The following SLC1A2 variants were observed in gnomAD, a reference collection of about 807,000 sequenced individuals.
The protein encoded by SLC1A2 is solute carrier family 1 member 2.
SLC1A2 carries 15 observed loss-of-function variants against 48.8 expected under a neutral mutation model. The observed-to-expected ratio is 0.31, with a 90% CI of 0.21 to 0.47. The LOEUF is 0.47. Among genes scored for constraint, SLC1A2 ranks in the 20% least tolerant of loss-of-function variants. The pLI is 0.99. For missense variants in SLC1A2, 502 were observed against 730.5 expected (o/e 0.69, Z 3.61); for synonymous variants, 279 against 272.6 (o/e 1.02, Z -0.23).
intron 1 of SLC1A2, among the ~76,000 whole-genome samples, chr11:35,319,809 T>G (rs1852000121): frequency 6.6e-6 from 1 of 152,226 alleles, no homozygotes; most frequent in Non-Finnish European, 1.5e-5. Flanking sequence ...CACATCAAAG[T>G]GGCTACATCA....
chr11:35,286,506 T>G, intron 8 of SLC1A2: 1 of 322,588 alleles, frequency 3.1e-6, no homozygotes, highest in Non-Finnish European at 5.7e-6. Flanking sequence ...ATCACAGGAT[T>G]GCTAAAAATC....
At chr11:35,269,012 T>A (rs1398989689) in intron 9 of SLC1A2, among the ~76,000 whole-genome samples, 1 of 152,196 alleles carries the variant, frequency 6.6e-6, no homozygotes, top group African/African-American at 2.4e-5. Context: ...AAAATTCATA[T>A]GACGAAACCT....
intron 10 of SLC1A2, chr11:35,265,248 A>C: frequency 2.0e-6 from 1 of 506,874 alleles, no homozygotes; most frequent in South Asian, 3.5e-5. Flanking sequence ...TGGTCAAATT[A>C]GTTAAATGGG....
intron 1 of SLC1A2, among the ~76,000 whole-genome samples, chr11:35,393,421 C>T (rs1854844754): frequency 6.6e-6 from 1 of 152,186 alleles, no homozygotes; most frequent in African/African-American, 2.4e-5. Flanking sequence ...CAGCCCAGCT[C>T]CTGACTTCTC....
At chr11:35,291,778 G>C (rs766902002) in intron 7 of SLC1A2, 1 of 157,724 alleles carries the variant, frequency 6.3e-6, no homozygotes, top group Non-Finnish European at 1.4e-5. Context: ...TTAGAGGTTC[G>C]TGTCGAGGTC....
chr11:35,301,365 A>G (rs1851350501), intron 6 of SLC1A2, among the ~76,000 whole-genome samples, 154 bp downstream of exon 6: 1 of 152,242 alleles, frequency 6.6e-6, no homozygotes, highest in Non-Finnish European at 1.5e-5. Context: ...GGGAAGCTCC[A>G]AAAAAGATAT....
At chr11:35,407,391 A>T (rs1025394076) in intron 1 of SLC1A2, among the ~76,000 whole-genome samples, 2 of 152,214 alleles carry the variant, frequency 1.3e-5, no homozygotes, top group Non-Finnish European at 2.9e-5. Flanking sequence ...TCTTCCACGG[A>T]TAATTCAAGA....
At chr11:35,328,374 A>T (rs1022789220) in intron 1 of SLC1A2, among the ~76,000 whole-genome samples, 1 of 152,212 alleles carries the variant, frequency 6.6e-6, no homozygotes, top group African/African-American at 2.4e-5. Context: ...GACAGCAGCT[A>T]ACATTTACTC....
intron 10 of SLC1A2, 72 bp downstream of exon 10, chr11:35,265,455 T>TG (rs1191928771): frequency 5.1e-6 from 4 of 780,340 alleles, no homozygotes; most frequent in Non-Finnish European, 8.3e-6. Flanking sequence ...GCTTTACGGT[T>TG]TTTTTTTTTT....
chr11:35,353,963 A>G (rs1453292552), intron 1 of SLC1A2, among the ~76,000 whole-genome samples: 1 of 152,188 alleles, frequency 6.6e-6, no homozygotes, highest in Non-Finnish European at 1.5e-5. Context: ...AACAGACAGC[A>G]CTGTTAGAAT....
rs186351447 is a variant in SLC1A2, at chr11:35,381,773, A to G, written c.17+37177T>C. 4.6e-3 allele frequency among the ~76,000 whole-genome samples: 698 copies of G among 152,306 alleles called. 7 individuals carry two copies. The highest frequency in any genetic ancestry group is 0.016 in the South Asian group (76 of 4,822). Reference sequence around the variant, plus strand: ...TGATCCTACTTTGTACTTCAGGAAAACAAAGGGGAGTACGTATTTCTTGTA... The same window carrying G: ...TGATCCTACTTTGTACTTCAGGAAAGCAAAGGGGAGTACGTATTTCTTGTA... On this transcript the variant is annotated intron_variant, in intron 1 of 10. Transcript: ENST00000278379.
At chr11:35,293,577 T>C (rs1213721540) in intron 6 of SLC1A2, among the ~76,000 whole-genome samples, 1 of 152,234 alleles carries the variant, frequency 6.6e-6, no homozygotes, top group Non-Finnish European at 1.5e-5. Flanking sequence ...CATGAATTTG[T>C]TCAGCCTGTG....
rs1363752516 is a variant in SLC1A2, at chr11:35,254,953, G to A, written c.*5941C>T. ...TTAGGATAAATGAAATAGGAACTTA[G>A]GGGCATCTCTCACTTTTCTACAGGT... is the stretch of plus-strand genomic sequence containing the variant. On this transcript the variant is annotated 3_prime_UTR_variant, in exon 11 of 11. Transcript: ENST00000278379. 1.2e-5 allele frequency: 4 copies of A among 327,746 alleles called. No individual in the cohort carries two copies. The highest frequency in any genetic ancestry group is 2.2e-5 in the African/African-American group (1 of 45,590). The allele number at this position is 327,746 out of a possible 1,614,324, so 20.3% of individuals were successfully genotyped here.
At position 35,312,353 on chromosome 11, in the gene SLC1A2, C is replaced by T; in HGVS notation, c.406G>A (p.Val136Ile). The T allele has an allele frequency of 6.2e-7, 1 of 1,614,130 alleles. No individual in the cohort carries two copies. The change falls in exon 4 of 11, where the codon GTC becomes ATC. Residue 136 changes from valine to isoleucine, a missense_variant. Physicochemically the swap from Val to Ile is conservative, Grantham distance 29. Transcript: ENST00000278379. ...GGATGGATAGCCAAGACCAGAATGACCCCCAGTACTGCAGCAATGATGGTC... is the reference window on the plus strand; with the variant it reads ...GGATGGATAGCCAAGACCAGAATGATCCCCAGTACTGCAGCAATGATGGTC... ...STTIIAAVLG[V>I]ILVLAIHPGN...
rs147910402 is a variant in SLC1A2, at chr11:35,270,976, C to G, written c.1422-5218G>C. On this transcript the variant is annotated intron_variant, in intron 9 of 10. Coordinates refer to ENST00000278379, the MANE Select transcript of SLC1A2 (RefSeq NM_004171.4). ...TGTTTGTTCCATTGTGAAGAACGAA[C>G]TAAAAAATCATAAGCCTGAAAGAGT... Among the ~76,000 whole-genome samples, 66 of 152,170 alleles carry G rather than the reference C, an allele frequency of 4.3e-4. 1 individual carries two copies. Among genetic ancestry groups the G allele is most frequent in the African/African-American group, 1.6e-3 (65 of 41,516 alleles).
At chr11:35,319,678 C>A (rs1851997099) in intron 1 of SLC1A2, among the ~76,000 whole-genome samples, 1 of 152,214 alleles carries the variant, frequency 6.6e-6, no homozygotes, top group Non-Finnish European at 1.5e-5. Flanking sequence ...ACACACCCAA[C>A]CTGGCAATGT....
chr11:35,384,159 T>A (rs767160043), intron 1 of SLC1A2, among the ~76,000 whole-genome samples: 2 of 152,220 alleles, frequency 1.3e-5, no homozygotes, highest in Non-Finnish European at 2.9e-5. Flanking sequence ...AGATATCTCA[T>A]GGAATCCAAG....
chr11:35,305,481 C>T (rs1851474469), intron 5 of SLC1A2, among the ~76,000 whole-genome samples: 2 of 152,146 alleles, frequency 1.3e-5, no homozygotes, highest in Non-Finnish European at 2.9e-5. Context: ...CCAGGTCTGC[C>T]CAACTGCAGA....
intron 1 of SLC1A2, among the ~76,000 whole-genome samples, chr11:35,327,560 C>T (rs1304767816): frequency 1.3e-5 from 2 of 152,208 alleles, no homozygotes; most frequent in Admixed American, 6.5e-5. Flanking sequence ...AACTCTCATA[C>T]ATTTCCTTTC....
Sources: gnomAD v4.1 joint callset for allele counts (sites outside exome capture counted in the v4.1 genomes callset) on GRCh38, gnomAD v4.1.1 for gene constraint, MANE v1.5 for transcripts, NCBI Gene and HGNC (gene_info 2026-07-23, HGNC 2026-07-21) for gene names.